PLA2G4B: variants seen among roughly 807,000 people sequenced by gnomAD.
PLA2G4B encodes phospholipase A2 group IVB, also known as cytosolic phospholipase A2 beta.
Under a neutral mutation model 95.8 loss-of-function variants are expected in PLA2G4B, and 122 were observed. The ratio of observed to expected loss-of-function variants is 1.27; its 90% CI spans 1.10 to 1.48. The LOEUF (loss-of-function observed/expected upper bound fraction) is 1.48. Ranked by LOEUF, PLA2G4B falls within the 40% of genes most tolerant of loss-of-function variation. The probability of loss-of-function intolerance (pLI) is 0.00; values close to 1 mark genes in which losing one functional copy is unlikely to be tolerated. For missense variants in PLA2G4B, 1,158 were observed against 996.2 expected, an observed-to-expected ratio of 1.16 and a Z score of -2.19; for synonymous variants, 518 against 421.5, an observed-to-expected ratio of 1.23 and a Z score of -2.80.
intron 17 of PLA2G4B, 85 bp from the exon 18 acceptor site, chr15:41,846,584 G>C (rs1278833737): frequency 6.5e-7 from 1 of 1,530,496 alleles, no homozygotes; most frequent in Non-Finnish European, 8.8e-7. Context: ...AGGAGAGCAG[G>C]GACCAGAGGC....
chr15:41,842,675 G>A (rs1276368870), intron 10 of PLA2G4B, 84 bp downstream of exon 10: 1 of 1,477,546 alleles, frequency 6.8e-7, no homozygotes, highest in Non-Finnish European at 9.2e-7. Flanking sequence ...GAGTGAGGGG[G>A]AGAAACAGCC....
rs766703017 is a variant in PLA2G4B at position 41,844,832 on chromosome 15, CTTTGGCT to C, written c.1017-12_1017-6del. 32 of 1,584,694 alleles carry C rather than the reference CTTTGGCT, an allele frequency of 2.0e-5. No homozygotes were observed. The highest frequency in any genetic ancestry group is 2.5e-5 in the Non-Finnish European group (29 of 1,166,928). ...TTCAGTGACAGCCCTCTGGCTTTGGCTTTGGCTTTTCCCAGGGCCTTGGCCAACCTTT... is the reference window on the plus strand; with the variant it reads ...TTCAGTGACAGCCCTCTGGCTTTGGCTTTCCCAGGGCCTTGGCCAACCTTT... On this transcript the variant is annotated splice_polypyrimidine_tract_variant and intron_variant, in intron 12 of 19. Transcript: ENST00000458483.
At chr15:41,839,659 C>CT (rs2065388525) in intron 1 of PLA2G4B, 1 of 160,166 alleles carries the variant, frequency 6.2e-6, no homozygotes, top group African/African-American at 2.4e-5. Flanking sequence ...CCCTCGATAG[C>CT]TTATGTCCCC....
Position 41,840,523 on chromosome 15 carries a change from G to T in PLA2G4B, c.83-1G>T. ...CGCTGGGCACTTGTTCCTTCCCGCA[G>T]TGACCCCCTCTGACTGCTACGTGAC... On this transcript the variant is annotated splice_acceptor_variant, in intron 2 of 19. Coordinates refer to ENST00000458483, the MANE Select transcript of PLA2G4B (RefSeq NM_001114633.2). LOFTEE classifies it high-confidence loss of function. The T allele has an allele frequency of 6.2e-7, 1 of 1,613,760 alleles. No individual in the cohort carries two copies. The highest frequency in any genetic ancestry group is 8.5e-7 in the Non-Finnish European group (1 of 1,180,030).
chr15:41,843,950 G>A (rs2065484706), intron 11 of PLA2G4B, 139 bp downstream of exon 11: 2 of 1,422,472 alleles, frequency 1.4e-6, no homozygotes, highest in Non-Finnish European at 1.8e-6. Flanking sequence ...CTCACCTGGT[G>A]TTAGCAGGGA....
chr15:41,843,706 C>T lies in PLA2G4B; in HGVS notation c.774C>T (p.Phe258=), dbSNP rs370671042. 1.2e-5 allele frequency: 19 copies of T among 1,613,778 alleles called. No individual in the cohort carries two copies. Among genetic ancestry groups the T allele is most frequent in the East Asian group, 2.2e-5 (1 of 44,890 alleles). Reference sequence around the variant, plus strand: ...GGGAGCTGGCCGTGCGACTGGGCTTCGGGCCCTGTGCAGAGGAGCAGGCCT... The same window carrying T: ...GGGAGCTGGCCGTGCGACTGGGCTTTGGGCCCTGTGCAGAGGAGCAGGCCT... ...GLRELAVRLG[F]GPCAEEQAFL... is the part of the protein sequence containing the mutation. The change falls in exon 11 of 20, where the codon TTC becomes TTT. Residue 258 remains phenylalanine (F), a synonymous_variant. Coordinates refer to ENST00000458483, the MANE Select transcript of PLA2G4B (RefSeq NM_001114633.2).
At chr15:41,845,909 CGGG>C in intron 15 of PLA2G4B, 31 bp from the exon 16 acceptor site, 2 of 1,514,816 alleles carry the variant, frequency 1.3e-6, no homozygotes, top group Non-Finnish European at 1.8e-6. Flanking sequence ...GGACAAGAGT[CGGG>C]GGCCCTCTTC....
chr15:41,845,352 T>C (rs771192393), intron 14 of PLA2G4B, 32 bp downstream of exon 14: 1 of 1,605,706 alleles, frequency 6.2e-7, no homozygotes, highest in Non-Finnish European at 8.5e-7. Flanking sequence ...ACCTGTGCCC[T>C]TGCAGTTGGT....
rs912436584 is a variant in PLA2G4B at position 41,847,591 on chromosome 15, C to T, written c.2135-58C>T. 16 of 1,611,752 alleles carry T rather than the reference C, an allele frequency of 9.9e-6. No individual in the cohort carries two copies. The Admixed American group carries it at 2.2e-4, about 22-fold the overall frequency. On this transcript the variant is annotated intron_variant, in intron 19 of 19. Coordinates refer to ENST00000458483, the MANE Select transcript of PLA2G4B (RefSeq NM_001114633.2). ...CACACCTCCTCCGTCCCCTGTGCCT[C>T]TCCAAACCTGTCTTCCCCACAACGT...
intron 18 of PLA2G4B, among the ~76,000 whole-genome samples, 184 bp downstream of exon 18, chr15:41,847,019 C>T (rs754962143): frequency 6.6e-5 from 10 of 152,140 alleles, no homozygotes; most frequent in Non-Finnish European, 1.2e-4. Flanking sequence ...GCGAGGTTCT[C>T]CTGGTATCTT....
rs1648834 is a variant in PLA2G4B, at chr15:41,842,173, G to C, written c.622-20G>C. 1,284,454 of 1,612,830 alleles carry C rather than the reference G, an allele frequency of 0.8. 514,066 individuals are homozygous for C. Among genetic ancestry groups the C allele is most frequent in the East Asian group, 0.88 (39,533 of 44,860 alleles). ...TGGAAGCGTAAAGATTCTTAGGTCT[G>C]CATTCTTTGTCCCCTGCAGGATGCC... On this transcript the variant is annotated intron_variant, in intron 8 of 19. Coordinates refer to ENST00000458483, the MANE Select transcript of PLA2G4B (RefSeq NM_001114633.2).
chr15:41,840,140 C>T lies in PLA2G4B; in HGVS notation c.10-18C>T, dbSNP rs778910532. The T allele has an allele frequency of 8.1e-6, 13 of 1,610,978 alleles. No homozygotes were observed. In the African/African-American group the frequency reaches 1.3e-4, roughly 17 times the overall value. On this transcript the variant is annotated intron_variant, in intron 1 of 19. Transcript: ENST00000458483. The stretch of plus-strand genomic sequence containing the variant: ...CTTCATCGGCCCGTAGCAGGTCTCC[C>T]CTCTCCCACCTCTGCAGGCAGAGGT...
At position 41,847,636 on chromosome 15, in the gene PLA2G4B, A is replaced by G. The variant is rs1049119153; in HGVS notation, c.2135-13A>G. 1 of 1,613,284 alleles carries G rather than the reference A, an allele frequency of 6.2e-7. No homozygotes were observed. Among genetic ancestry groups the G allele is most frequent in the Non-Finnish European group, 8.5e-7 (1 of 1,179,960 alleles). ...CAACGTGTTCCCCATGCCAGGCTGC[A>G]CTCTCTCCACAGGGGTCCGGCGGAC... On this transcript the variant is annotated splice_polypyrimidine_tract_variant and intron_variant, in intron 19 of 19. Transcript: ENST00000458483.
At position 41,843,711 on chromosome 15, in the gene PLA2G4B, C is replaced by T. The variant is rs949610938; in HGVS notation, c.779C>T (p.Pro260Leu). The T allele has an allele frequency of 6.2e-6, 10 of 1,613,954 alleles. No individual in the cohort carries two copies. The highest frequency in any genetic ancestry group is 8.5e-6 in the Non-Finnish European group (10 of 1,179,988). The change falls in exon 11 of 20, where the codon CCC (proline) becomes CTC (leucine). Residue 260 changes from proline (P) to leucine (L), a missense_variant. Physicochemically the swap from Pro to Leu is moderately conservative, Grantham distance 98 (BLOSUM62 -3). Transcript: ENST00000458483. ...RELAVRLGFG[P>L]CAEEQAFLSR... ...CTGGCCGTGCGACTGGGCTTCGGGC[C>T]CTGTGCAGAGGAGCAGGCCTTCCTG...
Position 41,845,400 on chromosome 15 carries a change from G to A in PLA2G4B, c.1357+80G>A, listed in dbSNP as rs1595423969. 16 of 1,532,580 alleles carry A rather than the reference G, an allele frequency of 1.0e-5. No individual in the cohort carries two copies. In the East Asian group the frequency reaches 3.6e-4, roughly 35 times the overall value. 94.9% of individuals were successfully genotyped at this position (1,532,580 alleles called of 1,614,324 possible). Reference sequence around the variant, plus strand: ...GAACGAGGACTGTGTGCAGATTGCAGATGTCACACCCACCTCTCCTGAGCC... The same window carrying A: ...GAACGAGGACTGTGTGCAGATTGCAAATGTCACACCCACCTCTCCTGAGCC... On this transcript the variant is annotated intron_variant, in intron 14 of 19. Coordinates refer to ENST00000458483, the MANE Select transcript of PLA2G4B (RefSeq NM_001114633.2).
At chr15:41,839,878 C>G (rs1230763019) in intron 1 of PLA2G4B, 3 of 390,360 alleles carry the variant, frequency 7.7e-6, no homozygotes, top group Non-Finnish European at 1.4e-5. Context: ...TGGAGTGGGC[C>G]ATCGTAAATA....
In PLA2G4B at chr15:41,846,143, C is replaced by T. The variant is rs773129959; in HGVS notation, c.1601-60C>T. On this transcript the variant is annotated intron_variant, in intron 16 of 19. Transcript: ENST00000458483. ...TTCACACCTCTTCCCCCTCCAGGGT[C>T]ACCACCAAGGTGGGGATAAAGGTGC... 8 of 1,591,654 alleles carry T rather than the reference C, an allele frequency of 5.0e-6. No individual in the cohort carries two copies. In the African/African-American group the frequency reaches 9.4e-5, roughly 19 times the overall value.
chr15:41,843,830 A>C lies in PLA2G4B; in HGVS notation c.879+19A>C. 1 of 1,612,166 alleles carries C rather than the reference A, an allele frequency of 6.2e-7. No individual in the cohort carries two copies. The highest frequency in any genetic ancestry group is 1.1e-5 in the South Asian group (1 of 90,942). On this transcript the variant is annotated intron_variant, in intron 11 of 19. Transcript: ENST00000458483. ...GGATGAGGTTTGGGGGCTGGGCTGG[A>C]TGGGGTGTCCCCGGGCTTGCTTGGG... is the stretch of plus-strand genomic sequence containing the variant.
chr15:41,842,402 T>C (rs2065449484), intron 9 of PLA2G4B, 126 bp downstream of exon 9: 4 of 1,541,994 alleles, frequency 2.6e-6, no homozygotes, highest in Non-Finnish European at 3.5e-6. Context: ...GCCAGGCTCT[T>C]TGGGGAGTGT....
Sources: allele counts gnomAD v4.1 joint callset (sites outside exome capture counted in the v4.1 genomes callset), GRCh38; gene constraint gnomAD v4.1.1; transcripts MANE v1.5; gene names NCBI Gene and HGNC (gene_info 2026-07-23, HGNC 2026-07-21).